The following FAM163B variants were observed in gnomAD, a reference collection of about 807,000 sequenced individuals.
FAM163B encodes the protein protein FAM163B.
In FAM163B, 4 loss-of-function variants were observed where a neutral mutation model predicts 7.6. The ratio of observed to expected loss-of-function variants is 0.52; its 90% CI spans 0.26 to 1.20. The LOEUF (loss-of-function observed/expected upper bound fraction) is 1.20. Among genes scored for constraint, FAM163B ranks in the 50% most tolerant of loss-of-function variants. The probability of loss-of-function intolerance (pLI) is 0.14; values close to 1 mark genes in which losing one functional copy is unlikely to be tolerated. For synonymous variants in FAM163B, 120 were observed against 111.6 expected (o/e 1.07, Z -0.47); for missense variants, 250 against 243.0 (o/e 1.03, Z -0.19).
intron 1 of FAM163B, among the ~76,000 whole-genome samples, chr9:133,607,496 C>T (rs550675724): frequency 8.7e-4 from 132 of 152,306 alleles, no homozygotes; most frequent in African/African-American, 2.3e-3. Flanking sequence ...GGTGTCAGCA[C>T]GTCCTGAGAG....
rs796561410 is a variant in FAM163B at position 133,579,031 on chromosome 9, G to A, written c.492C>T (p.Thr164=). ...EAFARSRSIS[T]DV The stretch of plus-strand genomic sequence containing the variant: ...CGGGGGCGGGCCCAGGTCACACGTC[G>A]GTGCTGATGCTGCGGCTCCTGGCGA... Residue 164 remains threonine (T), a synonymous_variant, in exon 3 of 3, where the codon ACC becomes ACT. Coordinates refer to ENST00000673969, the MANE Select transcript of FAM163B (RefSeq NM_001080515.3). 3.0e-5 allele frequency: 46 copies of A among 1,543,940 alleles called. No individual in the cohort carries two copies. In the African/African-American group the frequency reaches 4.2e-4, roughly 14 times the overall value.
intron 1 of FAM163B, chr9:133,585,899 C>T (rs1300857295): frequency 6.6e-6 from 1 of 152,240 alleles, no homozygotes; most frequent in Non-Finnish European, 1.5e-5. Context: ...GCCGGCGTCT[C>T]GTCGAGGGCT....
In FAM163B at chr9:133,600,627, T is replaced by G. The variant is rs1285294090; in HGVS notation, c.-24+8450A>C. Among the ~76,000 whole-genome samples, 2 of 152,082 alleles carry G rather than the reference T, an allele frequency of 1.3e-5. No homozygotes were observed. The highest frequency in any genetic ancestry group is 2.9e-5 in the Non-Finnish European group (2 of 67,970). On this transcript the variant is annotated intron_variant, in intron 1 of 2. Transcript: ENST00000673969. The surrounding 1 kb of genome is among the most constrained non-coding windows in gnomAD (Gnocchi z 4.9). ...GGGGTAAAACCAGAGGGTAAAAGGA[T>G]GGGTGGAAGCCCAAGACTCGTGGGG...
In FAM163B at chr9:133,579,143, C is replaced by A; in HGVS notation, c.380G>T (p.Ser127Ile). 6.2e-7 allele frequency: 1 copy of A among 1,609,896 alleles called. No individual in the cohort carries two copies. Among genetic ancestry groups the A allele is most frequent in the Non-Finnish European group, 8.5e-7 (1 of 1,179,776 alleles). ...CGGGGGCAGCTCCACGTCCTCCTGG[C>A]TCACGCTCTTGTAGAGCACGCGCTC... ...GGERVLYKSVSQEDVELPPGG... is the reference protein window; with the variant it reads ...GGERVLYKSVIQEDVELPPGG... Residue 127 changes from serine to isoleucine, a missense_variant, in exon 3 of 3, where the codon AGC becomes ATC. Ser to Ile is a moderately radical substitution (Grantham distance 142). Transcript: ENST00000673969.
chr9:133,590,218 CTCCTTCCTTCCTTCTCTCTCCT>C (rs1477230230), intron 1 of FAM163B, among the ~76,000 whole-genome samples: 6 of 142,800 alleles, frequency 4.2e-5, no homozygotes, highest in Non-Finnish European at 7.7e-5. Flanking sequence ...CCTTCCCTCT[CTCCTTCCTTCCTTCTCTCTCCT>C]TCCTTCCTTC....
intron 1 of FAM163B, among the ~76,000 whole-genome samples, chr9:133,608,123 G>T (rs1479317352): frequency 6.6e-6 from 1 of 152,246 alleles, no homozygotes; most frequent in Non-Finnish European, 1.5e-5. Context: ...AGGCTGGCAG[G>T]GTGGCCCGCT....
chr9:133,607,238 T>C (rs969540210), intron 1 of FAM163B, among the ~76,000 whole-genome samples: 3 of 152,120 alleles, frequency 2.0e-5, no homozygotes, highest in African/African-American at 7.2e-5. Flanking sequence ...GACTGAGGTC[T>C]AGAGAGGAAA....
At chr9:133,585,819 C>A (rs1321036343) in intron 1 of FAM163B, among the ~76,000 whole-genome samples, 2 of 152,206 alleles carry the variant, frequency 1.3e-5, no homozygotes, top group Non-Finnish European at 2.9e-5. Flanking sequence ...AGAGGGCCAA[C>A]CCTGGGGGCC....
chr9:133,600,245 T>C lies in FAM163B; in HGVS notation c.-24+8832A>G, dbSNP rs1831701976. Among the ~76,000 whole-genome samples, 1 of 140,086 alleles carries C rather than the reference T, an allele frequency of 7.1e-6. No individual in the cohort carries two copies. The highest frequency in any genetic ancestry group is 2.8e-5 in the African/African-American group (1 of 35,800). The allele number at this position is 140,086 out of a possible 152,430, so 91.9% of individuals were successfully genotyped here. A position where few individuals can be genotyped will look rare whatever the true frequency, so the allele number is the denominator to read the frequency against. The stretch of plus-strand genomic sequence containing the variant: ...GGGGGGAATGTGGTCTGTGTGCATG[T>C]GTGTGAGTGTGGTCTGTGTGTGTGT... On this transcript the variant is annotated intron_variant, in intron 1 of 2. Transcript: ENST00000673969. This position sits in a 1 kb window ranked among gnomAD's most constrained non-coding sequence, Gnocchi z 4.9.
Position 133,601,386 on chromosome 9 carries a change from C to G in FAM163B, c.-24+7691G>C, listed in dbSNP as rs988269813. ...TAGATTGGGCTCAGCCATTTTTAAA[C>G]GAGTGGAGGTGTGCTGTTGAAAGGG... On this transcript the variant is annotated intron_variant, in intron 1 of 2. Coordinates refer to ENST00000673969, the MANE Select transcript of FAM163B (RefSeq NM_001080515.3). The surrounding 1 kb of genome is among the most constrained non-coding windows in gnomAD (Gnocchi z 4.1). Among the ~76,000 whole-genome samples the G allele has an allele frequency of 1.3e-5, 2 of 152,152 alleles. No individual in the cohort carries two copies. The highest frequency in any genetic ancestry group is 2.9e-5 in the Non-Finnish European group (2 of 68,022).
intron 1 of FAM163B, among the ~76,000 whole-genome samples, chr9:133,603,401 A>G (rs1831753498): frequency 6.6e-6 from 1 of 152,192 alleles, no homozygotes; most frequent in Admixed American, 6.5e-5. Flanking sequence ...GAGGGTCTGC[A>G]CGGCTGGTGA....
In FAM163B at chr9:133,600,280, T is replaced by A. The variant is rs868203058; in HGVS notation, c.-24+8797A>T. 1.3e-3 allele frequency among the ~76,000 whole-genome samples: 204 copies of A among 151,630 alleles called. 3 individuals are homozygous for A. Among genetic ancestry groups the A allele is most frequent in the African/African-American group, 4.3e-3 (177 of 41,306 alleles). On this transcript the variant is annotated intron_variant, in intron 1 of 2. Transcript: ENST00000673969. The surrounding 1 kb of genome is among the most constrained non-coding windows in gnomAD (Gnocchi z 4.9). ...TGGTCTGTGTGTGTGTGTGTGTGTGTGTGTGTGTGTGTGTGTAGTGCTGAG... is the reference window on the plus strand; with the variant it reads ...TGGTCTGTGTGTGTGTGTGTGTGTGAGTGTGTGTGTGTGTGTAGTGCTGAG...
At chr9:133,599,496 G>A (rs1393629002) in intron 1 of FAM163B, among the ~76,000 whole-genome samples, 2 of 152,146 alleles carry the variant, frequency 1.3e-5, no homozygotes. Flanking sequence ...CAATGTGTAA[G>A]GGGTGTGTGT....
intron 1 of FAM163B, among the ~76,000 whole-genome samples, chr9:133,589,889 G>T (rs918599130): frequency 7.9e-5 from 12 of 152,052 alleles, no homozygotes; most frequent in Non-Finnish European, 1.8e-4. Flanking sequence ...CCCAGCCGTG[G>T]GTCAGGAAAT....
chr9:133,600,274 T>A lies in FAM163B; in HGVS notation c.-24+8803A>T, dbSNP rs117921576. Among the ~76,000 whole-genome samples the A allele has an allele frequency of 0.45, 67,654 of 149,428 alleles. 16,116 individuals carry two copies. Among genetic ancestry groups the A allele is most frequent in the African/African-American group, 0.63 (25,315 of 40,272 alleles). ...TGAGTGTGGTCTGTGTGTGTGTGTG[T>A]GTGTGTGTGTGTGTGTGTGTGTAGT... On this transcript the variant is annotated intron_variant, in intron 1 of 2. Coordinates refer to ENST00000673969, the MANE Select transcript of FAM163B (RefSeq NM_001080515.3). The surrounding 1 kb of genome is among the most constrained non-coding windows in gnomAD (Gnocchi z 4.9).
chr9:133,580,333 C>T, intron 1 of FAM163B, 87 bp from the exon 2 acceptor site: 1 of 1,117,050 alleles, frequency 9.0e-7, no homozygotes, highest in South Asian at 1.4e-5. Flanking sequence ...AGAAGACAAG[C>T]TGAGGGGAAA....
intron 1 of FAM163B, among the ~76,000 whole-genome samples, chr9:133,590,064 TCCCCTTCCCTTC>T (rs1564193406): frequency 6.5e-5 from 1 of 15,334 alleles, no homozygotes; most frequent in South Asian, 7.7e-3. Flanking sequence ...TCCCTTCCCT[TCCCCTTCCCTTC>T]CCCTTCCCCT....
chr9:133,588,697 C>CTGAAAGATCTAGCATGT (rs1588326124), intron 1 of FAM163B, among the ~76,000 whole-genome samples: 13 of 11,256 alleles, frequency 1.2e-3, no homozygotes, highest in East Asian at 2.4e-3. Context: ...ATCTAGCATG[C>CTGAAAGATCTAGCATGT]TGAGGGATCT....
At position 133,601,885 on chromosome 9, in the gene FAM163B, G is replaced by A. The variant is rs1831734242; in HGVS notation, c.-24+7192C>T. Among the ~76,000 whole-genome samples, 1 of 152,214 alleles carries A rather than the reference G, an allele frequency of 6.6e-6. No homozygotes were observed. The stretch of plus-strand genomic sequence containing the variant: ...GCAGCGAGGGGGGTAGGTGGGAGGA[G>A]CCTCAGGGAGGAAGGGACTCTGAGG... On this transcript the variant is annotated intron_variant, in intron 1 of 2. Coordinates refer to ENST00000673969, the MANE Select transcript of FAM163B (RefSeq NM_001080515.3). This position sits in a 1 kb window ranked among gnomAD's most constrained non-coding sequence, Gnocchi z 4.1.
Sources: allele counts gnomAD v4.1 joint callset (sites outside exome capture counted in the v4.1 genomes callset), GRCh38; gene constraint gnomAD v4.1.1; non-coding constraint Gnocchi (gnomAD v3.1); transcripts MANE v1.5; gene names NCBI Gene and HGNC (gene_info 2026-07-23, HGNC 2026-07-21).